The following ST8SIA4 variants were observed in gnomAD, a reference collection of about 807,000 sequenced individuals.
ST8SIA4 encodes the protein CMP-N-acetylneuraminate-poly-alpha-2,8-sialyltransferase.
In ST8SIA4, 15 loss-of-function variants were observed where a neutral mutation model predicts 33.9. The observed-to-expected ratio is 0.44, with a 90% CI of 0.30 to 0.68. ST8SIA4 has a LOEUF of 0.68. ST8SIA4 is among the 30% of genes least tolerant of loss of function. The pLI, the probability that ST8SIA4 is intolerant of heterozygous loss-of-function variation, is 0.10. For synonymous variants in ST8SIA4, 171 were observed against 151.2 expected, an observed-to-expected ratio of 1.13 and a Z score of -0.96; for missense variants, 321 against 428.0, an observed-to-expected ratio of 0.75 and a Z score of 2.21.
At chr5:100,817,109 A>ATTTTTTTTTTTTTTTTTTTT (rs57222657) in intron 4 of ST8SIA4, among the ~76,000 whole-genome samples, 4 of 74,326 alleles carry the variant, frequency 5.4e-5, no homozygotes, top group African/African-American at 1.2e-4. Context: ...CACCCAGCTA[A>ATTTTTTTTTTTTTTTTTTTT]TTTTTTTTTT....
chr5:100,823,024 G>A (rs1004957017), intron 4 of ST8SIA4, among the ~76,000 whole-genome samples: 1 of 152,070 alleles, frequency 6.6e-6, no homozygotes, highest in Non-Finnish European at 1.5e-5. Flanking sequence ...CCAGCTACTC[G>A]GGGGGCTGAG....
chr5:100,892,865 T>G (rs1210611301), intron 2 of ST8SIA4, among the ~76,000 whole-genome samples: 1 of 151,810 alleles, frequency 6.6e-6, no homozygotes, highest in Non-Finnish European at 1.5e-5. Flanking sequence ...GAGGAGAGCA[T>G]TAGGACAAAT....
chr5:100,812,575 T>A (rs1358527218), intron 4 of ST8SIA4, among the ~76,000 whole-genome samples: 3 of 152,084 alleles, frequency 2.0e-5, no homozygotes, highest in Non-Finnish European at 2.9e-5. Context: ...CAATTAAAAA[T>A]CCAAAGAAAT....
intron 4 of ST8SIA4, among the ~76,000 whole-genome samples, chr5:100,814,626 A>G (rs1309895392): frequency 1.3e-5 from 2 of 151,958 alleles, no homozygotes; most frequent in East Asian, 1.9e-4. Flanking sequence ...GGCAATAAGT[A>G]ATAACTTTCT....
At chr5:100,862,617 G>A (rs891656477) in intron 3 of ST8SIA4, among the ~76,000 whole-genome samples, 11 of 151,730 alleles carry the variant, frequency 7.2e-5, no homozygotes, top group South Asian at 2.1e-4. Flanking sequence ...TGTCATGCTC[G>A]TCTTAAACTC....
intron 3 of ST8SIA4, among the ~76,000 whole-genome samples, chr5:100,874,666 C>T (rs963489504): frequency 6.6e-6 from 1 of 151,964 alleles, no homozygotes; most frequent in Non-Finnish European, 1.5e-5. Context: ...CTCACTGCAG[C>T]CTCAACCTCC....
In ST8SIA4 at chr5:100,808,278, T is replaced by C. The variant is rs1168697807; in HGVS notation, c.*3569A>G. 2 of 152,654 alleles carry C rather than the reference T, an allele frequency of 1.3e-5. No homozygotes were observed. Among genetic ancestry groups the C allele is most frequent in the African/African-American group, 4.8e-5 (2 of 41,468 alleles). The allele number at this position is 152,654 out of a possible 1,614,324, so 9.5% of individuals were successfully genotyped here. Reference sequence around the variant, plus strand: ...GTAAGCATATATGTAGAAATTCCCATTAGTAATTGATATACAATTCATATG... The same window carrying C: ...GTAAGCATATATGTAGAAATTCCCACTAGTAATTGATATACAATTCATATG... On this transcript the variant is annotated 3_prime_UTR_variant, in exon 5 of 5. Coordinates refer to ENST00000231461, the MANE Select transcript of ST8SIA4 (RefSeq NM_005668.6).
intron 4 of ST8SIA4, among the ~76,000 whole-genome samples, chr5:100,821,757 A>T (rs1751034821): frequency 6.6e-6 from 1 of 152,250 alleles, no homozygotes; most frequent in African/African-American, 2.4e-5. Context: ...GCAAATTCTA[A>T]GTGGTTCCTA....
intron 4 of ST8SIA4, among the ~76,000 whole-genome samples, chr5:100,817,445 C>T (rs2112399775): frequency 1.3e-5 from 2 of 152,204 alleles, no homozygotes; most frequent in East Asian, 3.9e-4. Context: ...TCACATTTGT[C>T]AATATGTCCA....
intron 4 of ST8SIA4, among the ~76,000 whole-genome samples, chr5:100,836,741 T>C (rs1297285361): frequency 6.6e-6 from 1 of 152,062 alleles, no homozygotes; most frequent in African/African-American, 2.4e-5. Flanking sequence ...TTATTCATAA[T>C]TTTTAAATTC....
intron 3 of ST8SIA4, among the ~76,000 whole-genome samples, chr5:100,874,974 T>C (rs560670366): frequency 6.6e-6 from 1 of 152,172 alleles, no homozygotes; most frequent in Non-Finnish European, 1.5e-5. Context: ...ATTTAAAAAA[T>C]AATATCAATT....
intron 2 of ST8SIA4, among the ~76,000 whole-genome samples, chr5:100,891,860 A>T (rs1752674302): frequency 6.6e-6 from 1 of 152,060 alleles, no homozygotes; most frequent in Non-Finnish European, 1.5e-5. Context: ...GATTAGCTCT[A>T]TCGGTAACTT....
intron 4 of ST8SIA4, among the ~76,000 whole-genome samples, chr5:100,817,155 G>T (rs1247176889): frequency 2.5e-5 from 3 of 120,406 alleles, no homozygotes; most frequent in Admixed American, 1.0e-4. Context: ...TTTTGGTAGA[G>T]ACTGGGTTTC....
chr5:100,872,968 A>G (rs190788186), intron 3 of ST8SIA4, among the ~76,000 whole-genome samples: 246 of 152,122 alleles, frequency 1.6e-3, no homozygotes, highest in Non-Finnish European at 2.1e-3. Flanking sequence ...CTTAATGCAC[A>G]TAAGAATCAC....
rs371276708 is a variant in ST8SIA4, at chr5:100,856,406, A to T, written c.504-10T>A. ...AGGAGCTAGATTACACCTGAAGAGG[A>T]AAAAATTAATGGGACAAATGAAAAA... On this transcript the variant is annotated splice_polypyrimidine_tract_variant and intron_variant, in intron 3 of 4. Coordinates refer to ENST00000231461, the MANE Select transcript of ST8SIA4 (RefSeq NM_005668.6). 1.9e-6 allele frequency: 3 copies of T among 1,595,632 alleles called. No individual in the cohort carries two copies. In the African/African-American group the frequency reaches 4.1e-5, roughly 22 times the overall value.
At chr5:100,879,786 A>C (rs2112465703) in intron 3 of ST8SIA4, among the ~76,000 whole-genome samples, 1 of 152,316 alleles carries the variant, frequency 6.6e-6, no homozygotes, top group South Asian at 2.1e-4. Flanking sequence ...GTGGGCTAAA[A>C]GGCAAACAAC....
chr5:100,889,510 T>A (rs1752613646), intron 2 of ST8SIA4, among the ~76,000 whole-genome samples: 1 of 151,942 alleles, frequency 6.6e-6, no homozygotes, highest in South Asian at 2.1e-4. Flanking sequence ...GGAAAATCTA[T>A]TTTATTTGGT....
intron 1 of ST8SIA4, among the ~76,000 whole-genome samples, chr5:100,898,270 G>C (rs1164307111): frequency 6.6e-6 from 1 of 152,080 alleles, no homozygotes; most frequent in Non-Finnish European, 1.5e-5. Context: ...ACCAGCCTGG[G>C]TAACATCACA....
At position 100,812,072 on chromosome 5, in the gene ST8SIA4, A is replaced by G; in HGVS notation, c.855T>C (p.Tyr285=). 2 of 1,614,142 alleles carry G rather than the reference A, an allele frequency of 1.2e-6. No individual in the cohort carries two copies. Among genetic ancestry groups the G allele is most frequent in the Non-Finnish European group, 1.7e-6 (2 of 1,179,984 alleles). The change falls in exon 5 of 5, where the codon TAT becomes TAC. Residue 285 remains tyrosine (Y), a synonymous_variant. Transcript: ENST00000231461. ...IKRPSTGLLM[Y]TLATRFCDEI... is the part of the protein sequence containing the mutation. Reference sequence around the variant, plus strand: ...CATCACAGAATCTTGTGGCAAGTGTATACATGAGAAGACCTGTGCTGGGTC... The same window carrying G: ...CATCACAGAATCTTGTGGCAAGTGTGTACATGAGAAGACCTGTGCTGGGTC...
Sources: gnomAD v4.1 joint callset for allele counts (sites outside exome capture counted in the v4.1 genomes callset) on GRCh38, gnomAD v4.1.1 for gene constraint, MANE v1.5 for transcripts, NCBI Gene and HGNC (gene_info 2026-07-23, HGNC 2026-07-21) for gene names.